ABCB7: variants seen among roughly 807,000 people sequenced by gnomAD.
ABCB7 encodes iron-sulfur clusters transporter ABCB7, mitochondrial.
ABCB7 carries 7 observed loss-of-function variants against 54.4 expected under a neutral mutation model. The observed-to-expected ratio is 0.13, with a 90% CI of 0.07 to 0.24. The LOEUF (loss-of-function observed/expected upper bound fraction) is 0.24. Among genes scored for constraint, ABCB7 ranks in the 10% least tolerant of loss-of-function variants. The pLI is 1.00. For synonymous variants in ABCB7, 218 were observed against 207.1 expected (o/e 1.05, Z -0.45); for missense variants, 356 against 570.4 (o/e 0.62, Z 3.83).
intron 7 of ABCB7, 21 bp from the exon 8 acceptor site, chrX:75,073,797 T>C (rs2081384743): frequency 9.3e-6 from 11 of 1,185,704 alleles, no homozygotes; most frequent in Non-Finnish European, 1.3e-5. Context: ...AAGATTTGCA[T>C]AGGCATGAAA....
Position 75,109,248 on chromosome X carries a change from C to T in ABCB7, c.333+3638G>A, listed in dbSNP as rs139308874. ...CAGCTATACCTAATAACGATGTAGA[C>T]AAGACCTGAGAATAAAAAACCAAAA... is the stretch of plus-strand genomic sequence containing the variant. On this transcript the variant is annotated intron_variant, in intron 3 of 15. Transcript: ENST00000373394. Among the ~76,000 whole-genome samples the T allele has an allele frequency of 2.0e-3, 223 of 111,799 alleles. 1 individual carries two copies. Among genetic ancestry groups the T allele is most frequent in the African/African-American group, 6.6e-3 (203 of 30,792 alleles).
intron 3 of ABCB7, among the ~76,000 whole-genome samples, chrX:75,102,467 C>T (rs909777077): frequency 1.3e-4 from 14 of 111,401 alleles, no homozygotes; most frequent in Admixed American, 1.2e-3. Flanking sequence ...ACATACTAAC[C>T]TCCAGTTCCA....
At chrX:75,121,814 T>C (rs1163681987) in intron 1 of ABCB7, among the ~76,000 whole-genome samples, 1 of 112,366 alleles carries the variant, frequency 8.9e-6, no homozygotes, top group Non-Finnish European at 1.9e-5. Context: ...CTTATTAACC[T>C]TCCAGATATC....
chrX:75,119,159 A>C (rs1414241240), intron 1 of ABCB7, among the ~76,000 whole-genome samples: 4 of 112,528 alleles, frequency 3.6e-5, no homozygotes, highest in South Asian at 3.7e-4. Flanking sequence ...TGACTTAAGT[A>C]ATCTTTGGGA....
At chrX:75,152,583 A>G (rs1462799306) in intron 1 of ABCB7, among the ~76,000 whole-genome samples, 1 of 112,135 alleles carries the variant, frequency 8.9e-6, no homozygotes, top group Non-Finnish European at 1.9e-5. Context: ...AATGAAGTCC[A>G]CATCTTTGTA....
intron 13 of ABCB7, 127 bp from the exon 14 acceptor site, chrX:75,062,558 T>A: frequency 1.9e-6 from 1 of 534,013 alleles, no homozygotes; most frequent in South Asian, 2.7e-5. Flanking sequence ...TCACAGTTCA[T>A]TTTACTGAGT....
chrX:75,131,993 G>A (rs1273606068), intron 1 of ABCB7, among the ~76,000 whole-genome samples: 5 of 111,778 alleles, frequency 4.5e-5, no homozygotes, highest in Non-Finnish European at 9.4e-5. Context: ...ACCATACAGA[G>A]GAGCCCAATT....
At chrX:75,067,504 A>G (rs1293452548) in intron 12 of ABCB7, among the ~76,000 whole-genome samples, 2 of 109,765 alleles carry the variant, frequency 1.8e-5, no homozygotes, top group African/African-American at 6.6e-5. Context: ...TTTATTTTTG[A>G]GACTGAGTCT....
intron 1 of ABCB7, among the ~76,000 whole-genome samples, chrX:75,115,266 CAAAAAAAAAAAAAAAAA>C (rs1160024642): frequency 1.3e-3 from 17 of 13,251 alleles, no homozygotes; most frequent in Non-Finnish European, 1.7e-3. Context: ...GACTCTGTCT[CAAAAAAAAAAAAAAAAA>C]AAAAAAAAAA....
chrX:75,102,652 T>C (rs1282504141), intron 3 of ABCB7, among the ~76,000 whole-genome samples: 1 of 111,714 alleles, frequency 9.0e-6, no homozygotes, highest in Non-Finnish European at 1.9e-5. Context: ...CTGATTACCT[T>C]TCCTTTGGAT....
Position 75,070,546 on chromosome X carries a change from G to C in ABCB7, c.1208-24C>G, listed in dbSNP as rs1602340756. 8.4e-6 allele frequency: 10 copies of C among 1,193,322 alleles called. No individual in the cohort carries two copies. The East Asian group carries it at 2.7e-4, about 32-fold the overall frequency. On this transcript the variant is annotated intron_variant, in intron 9 of 15. Coordinates refer to ENST00000373394, the MANE Select transcript of ABCB7 (RefSeq NM_001271696.3). ...ACCTTAAAAGGCAGAAGAAAAAAAGGGTATTTTAGATAAATGTTACATACT... is the reference window on the plus strand; with the variant it reads ...ACCTTAAAAGGCAGAAGAAAAAAAGCGTATTTTAGATAAATGTTACATACT...
intron 4 of ABCB7, among the ~76,000 whole-genome samples, chrX:75,082,666 T>C (rs957415583): frequency 9.8e-5 from 11 of 111,736 alleles, no homozygotes; most frequent in Non-Finnish European, 1.7e-4. Context: ...CATCAAGATA[T>C]ATGAAACAAT....
intron 3 of ABCB7, among the ~76,000 whole-genome samples, chrX:75,109,774 T>C (rs2081741607): frequency 8.9e-6 from 1 of 111,888 alleles, no homozygotes; most frequent in South Asian, 3.7e-4. Context: ...AATTTGGAAG[T>C]GTCCATAATT....
At chrX:75,114,211 A>C (rs189589911) in intron 2 of ABCB7, among the ~76,000 whole-genome samples, 115 of 112,238 alleles carry the variant, frequency 1.0e-3, no homozygotes, top group Non-Finnish European at 1.9e-3. Flanking sequence ...CAAAATACCC[A>C]AAATTTAGAC....
At chrX:75,076,702 T>G (rs1419744332) in intron 4 of ABCB7, 48 bp from the exon 5 acceptor site, 1 of 1,131,844 alleles carries the variant, frequency 8.8e-7, no homozygotes. Flanking sequence ...AAATACTTAT[T>G]TATAAAAGTA....
At chrX:75,101,974 A>G (rs1264109515) in intron 3 of ABCB7, among the ~76,000 whole-genome samples, 1 of 111,975 alleles carries the variant, frequency 8.9e-6, no homozygotes, top group Non-Finnish European at 1.9e-5. Context: ...TAGTTTTGAT[A>G]AACTATAAAG....
intron 1 of ABCB7, 131 bp from the exon 2 acceptor site, chrX:75,114,962 A>T: frequency 1.8e-6 from 1 of 542,479 alleles, no homozygotes; most frequent in Admixed American, 3.2e-5. Context: ...TATGCTTTTA[A>T]CGTATGCCTA....
intron 1 of ABCB7, among the ~76,000 whole-genome samples, chrX:75,149,992 T>C (rs1221267196): frequency 9.0e-6 from 1 of 110,998 alleles, no homozygotes; most frequent in Non-Finnish European, 1.9e-5. Flanking sequence ...TCTAGTTAGG[T>C]GGAAATTTTT....
chrX:75,096,941 G>A (rs1027842593), intron 4 of ABCB7, among the ~76,000 whole-genome samples: 1 of 111,029 alleles, frequency 9.0e-6, no homozygotes, highest in African/African-American at 3.3e-5. Flanking sequence ...ACTATCATAT[G>A]AGCCTTATAA....
Sources: allele counts gnomAD v4.1 joint callset (sites outside exome capture counted in the v4.1 genomes callset), GRCh38; gene constraint gnomAD v4.1.1; transcripts MANE v1.5; gene names NCBI Gene and HGNC (gene_info 2026-07-23, HGNC 2026-07-21).